The following ATP10D variants were observed in gnomAD, a reference collection of about 807,000 sequenced individuals.
ATP10D encodes ATPase phospholipid transporting 10D (putative).
A neutral mutation model predicts 144.8 loss-of-function variants in ATP10D; 89 were observed. The observed-to-expected ratio is 0.61, with a 90% CI of 0.52 to 0.73. The LOEUF is 0.73. ATP10D is among the 30% of genes least tolerant of loss of function. The pLI is 0.00. For synonymous variants in ATP10D, 571 were observed against 615.1 expected (o/e 0.93, Z 1.06); for missense variants, 1,603 against 1,714.8 (o/e 0.93, Z 1.15).
chr4:47,567,841 G>A (rs1719724700), intron 15 of ATP10D, among the ~76,000 whole-genome samples: 1 of 152,148 alleles, frequency 6.6e-6, no homozygotes, highest in Non-Finnish European at 1.5e-5. Flanking sequence ...TTATTTTGTT[G>A]TAGGTTGAGA....
At chr4:47,586,850 C>T (rs953934479) in intron 21 of ATP10D, among the ~76,000 whole-genome samples, 169 bp from the exon 22 acceptor site, 2 of 152,144 alleles carry the variant, frequency 1.3e-5, no homozygotes, top group Admixed American at 6.5e-5. Context: ...AATTCATTCA[C>T]AAAAAATACT....
rs546575048 is a variant in ATP10D, at chr4:47,538,156, T to C, written c.1396+1218T>C. On this transcript the variant is annotated intron_variant, in intron 9 of 22. Coordinates refer to ENST00000273859, the MANE Select transcript of ATP10D (RefSeq NM_020453.4). Reference sequence around the variant, plus strand: ...AAGTTAGCACTTCATTGTCTTAATTTGTCTCTGCTTAGTGATGAGATTTTT... The same window carrying C: ...AAGTTAGCACTTCATTGTCTTAATTCGTCTCTGCTTAGTGATGAGATTTTT... 2.0e-5 allele frequency among the ~76,000 whole-genome samples: 3 copies of C among 152,334 alleles called. No homozygotes were observed. In the South Asian group the frequency reaches 6.2e-4, roughly 32 times the overall value.
At chr4:47,579,968 G>A (rs1720426301) in intron 19 of ATP10D, among the ~76,000 whole-genome samples, 1 of 152,210 alleles carries the variant, frequency 6.6e-6, no homozygotes, top group East Asian at 1.9e-4. Context: ...TTGAGAATAG[G>A]GGAGGAAGCA....
At chr4:47,502,387 G>A (rs991392393) in intron 1 of ATP10D, among the ~76,000 whole-genome samples, 2 of 151,678 alleles carry the variant, frequency 1.3e-5, no homozygotes, top group African/African-American at 4.8e-5. Flanking sequence ...GGAGAATGGC[G>A]TGAACCCAGG....
At chr4:47,527,657 A>G (rs1265718912) in intron 5 of ATP10D, among the ~76,000 whole-genome samples, 1 of 152,186 alleles carries the variant, frequency 6.6e-6, no homozygotes, top group African/African-American at 2.4e-5. Context: ...TATTTGACAT[A>G]TGAATGGCAA....
At chr4:47,499,081 G>A (rs982285853) in intron 1 of ATP10D, among the ~76,000 whole-genome samples, 10 of 152,100 alleles carry the variant, frequency 6.6e-5, no homozygotes, top group East Asian at 1.9e-4. Flanking sequence ...GTCTTTTAAC[G>A]CTCTTACCAT....
In ATP10D at chr4:47,568,920, T is replaced by A. The variant is rs746146079; in HGVS notation, c.2937T>A (p.Ser979Arg). The change falls in exon 16 of 23, where the codon AGT (serine) becomes AGA (arginine). Residue 979 changes from serine to arginine, a missense_variant. Physicochemically the swap from Ser to Arg is moderately radical, Grantham distance 110. Coordinates refer to ENST00000273859, the MANE Select transcript of ATP10D (RefSeq NM_020453.4). ...TQALPEQVSLSEDLLQPPVPR... is the reference protein window; with the variant it reads ...TQALPEQVSLREDLLQPPVPR... ...CCCTGCCAGAGCAAGTGTCATTAAG[T>A]GAAGATTTACTTCAGCCTCCTGTCC... The A allele has an allele frequency of 3.1e-6, 5 of 1,614,188 alleles. No individual in the cohort carries two copies. The highest frequency in any genetic ancestry group is 4.5e-5 in the East Asian group (2 of 44,868).
intron 9 of ATP10D, among the ~76,000 whole-genome samples, chr4:47,544,347 G>T (rs1163980127): frequency 6.6e-6 from 1 of 152,184 alleles, no homozygotes; most frequent in Non-Finnish European, 1.5e-5. Context: ...TTGTGGAGGA[G>T]CTGGCATTTG....
intron 1 of ATP10D, among the ~76,000 whole-genome samples, chr4:47,501,606 C>T (rs554569108): frequency 2.6e-5 from 4 of 152,256 alleles, no homozygotes; most frequent in Admixed American, 2.0e-4. Flanking sequence ...TATCAGAGCC[C>T]TCTGATAGCC....
chr4:47,589,563 T>G (rs1398193828), intron 22 of ATP10D, among the ~76,000 whole-genome samples: 1 of 152,118 alleles, frequency 6.6e-6, no homozygotes, highest in Non-Finnish European at 1.5e-5. Context: ...TTCCAATATT[T>G]TATTTTAGGT....
At chr4:47,557,401 C>T (rs183026345) in intron 11 of ATP10D, among the ~76,000 whole-genome samples, 8 of 151,642 alleles carry the variant, frequency 5.3e-5, no homozygotes, top group Non-Finnish European at 1.0e-4. Flanking sequence ...GTATGTCATT[C>T]ATTTTAATAT....
intron 19 of ATP10D, among the ~76,000 whole-genome samples, chr4:47,580,142 T>G (rs1376557441): frequency 6.6e-6 from 1 of 152,236 alleles, no homozygotes; most frequent in Non-Finnish European, 1.5e-5. Flanking sequence ...CCGGCTGTAT[T>G]TCAGCTAGAT....
chr4:47,516,147 TTGAACCCAG>T (rs1716673506), intron 3 of ATP10D, among the ~76,000 whole-genome samples: 2 of 152,064 alleles, frequency 1.3e-5, no homozygotes, highest in Non-Finnish European at 2.9e-5. Context: ...GGAGAATCGC[TTGAACCCAG>T]GAGGGGGAGG....
chr4:47,533,750 T>G (rs1339479905), intron 5 of ATP10D, among the ~76,000 whole-genome samples: 6 of 152,164 alleles, frequency 3.9e-5, no homozygotes, highest in Admixed American at 3.9e-4. Context: ...CACAAAAAAG[T>G]AGAAAGAAAA....
At chr4:47,541,965 A>C (rs1345574112) in intron 9 of ATP10D, among the ~76,000 whole-genome samples, 1 of 152,152 alleles carries the variant, frequency 6.6e-6, no homozygotes, top group Non-Finnish European at 1.5e-5. Context: ...CCCTGCTTTG[A>C]GGCATTCATG....
chr4:47,550,524 G>A (rs1718680495), intron 10 of ATP10D, among the ~76,000 whole-genome samples: 1 of 152,156 alleles, frequency 6.6e-6, no homozygotes, highest in African/African-American at 2.4e-5. Context: ...CTCCCAAGAT[G>A]GTGGCGTGTG....
At chr4:47,509,247 C>T (rs946935851) in intron 1 of ATP10D, among the ~76,000 whole-genome samples, 3 of 4,198 alleles carry the variant, frequency 7.1e-4, no homozygotes, top group Non-Finnish European at 1.8e-3. Context: ...TCTTTTTATT[C>T]GTTTACAAAA....
At chr4:47,523,928 G>A (rs997822218) in intron 4 of ATP10D, among the ~76,000 whole-genome samples, 1 of 151,112 alleles carries the variant, frequency 6.6e-6, no homozygotes, top group Admixed American at 6.6e-5. Context: ...AATGATTTTT[G>A]TTGTTGTTGT....
chr4:47,547,066 G>T, intron 10 of ATP10D: 3 of 574,602 alleles, frequency 5.2e-6, no homozygotes, highest in South Asian at 4.5e-5. Context: ...ATAACTCAAT[G>T]TTGAGAGGTA....
Sources: gnomAD v4.1 joint callset for allele counts (sites outside exome capture counted in the v4.1 genomes callset) on GRCh38, gnomAD v4.1.1 for gene constraint, MANE v1.5 for transcripts, NCBI Gene and HGNC (gene_info 2026-07-23, HGNC 2026-07-21) for gene names.